The following DHX57 variants were observed in gnomAD, a reference collection of about 807,000 sequenced individuals.
DHX57 encodes DExH-box helicase 57.
A neutral mutation model predicts 156.2 loss-of-function variants in DHX57; 105 were observed. The observed-to-expected ratio is 0.67, with a 90% CI of 0.57 to 0.79. The LOEUF is 0.79. DHX57 is among the 30% of genes least tolerant of loss of function. The probability of loss-of-function intolerance (pLI) is 0.00; values close to 1 mark genes in which losing one functional copy is unlikely to be tolerated. For synonymous variants in DHX57, 704 were observed against 595.6 expected (o/e 1.18, Z -2.65); for missense variants, 1,847 against 1,661.9 (o/e 1.11, Z -1.94).
At chr2:38,826,774 C>G (rs1671108961) in intron 14 of DHX57, 85 bp from the exon 15 acceptor site, 7 of 1,422,370 alleles carry the variant, frequency 4.9e-6, no homozygotes, top group Non-Finnish European at 6.7e-6. Context: ...CTAAAACCAA[C>G]AATATGACTT....
chr2:38,822,978 A>G lies in DHX57; in HGVS notation c.3291+15T>C, dbSNP rs368621312. 28 of 1,612,554 alleles carry G rather than the reference A, an allele frequency of 1.7e-5. No homozygotes were observed. Among genetic ancestry groups the G allele is most frequent in the Non-Finnish European group, 2.4e-5 (28 of 1,179,098 alleles). ...CTCTTAGAGACTCCAGTTTAGATGA[A>G]TGTTGTTTACTTACAAACGGAGACT... is the stretch of plus-strand genomic sequence containing the variant. On this transcript the variant is annotated intron_variant, in intron 17 of 23. Transcript: ENST00000457308.
intron 2 of DHX57, among the ~76,000 whole-genome samples, chr2:38,864,660 T>G (rs1428605281): frequency 1.3e-5 from 2 of 152,178 alleles, no homozygotes; most frequent in Middle Eastern, 3.2e-3. Flanking sequence ...ACAGACATAC[T>G]ATAAGGTCTA....
At chr2:38,848,040 G>A (rs548539689) in intron 10 of DHX57, among the ~76,000 whole-genome samples, 27 of 151,540 alleles carry the variant, frequency 1.8e-4, no homozygotes, top group African/African-American at 5.8e-4. Context: ...CCGAGATCAC[G>A]CCACTGCACT....
At chr2:38,856,658 T>C (rs1441487685) in intron 6 of DHX57, 197 bp from the exon 7 acceptor site, 3 of 540,964 alleles carry the variant, frequency 5.5e-6, no homozygotes, top group Non-Finnish European at 5.9e-6. Flanking sequence ...TGTGTGCCAC[T>C]ATACCCGGCT....
intron 17 of DHX57, among the ~76,000 whole-genome samples, chr2:38,821,464 G>C (rs1194234510): frequency 6.6e-6 from 1 of 152,188 alleles, no homozygotes; most frequent in African/African-American, 2.4e-5. Context: ...GGGAGGCTGA[G>C]GCAGGCAGAT....
chr2:38,872,104 A>G (rs1665384790), intron 1 of DHX57, among the ~76,000 whole-genome samples: 1 of 152,220 alleles, frequency 6.6e-6, no homozygotes, highest in African/African-American at 2.4e-5. Flanking sequence ...ACCTGTTATT[A>G]GGCCCCATCT....
At chr2:38,839,182 G>A (rs1041792128) in intron 12 of DHX57, among the ~76,000 whole-genome samples, 1 of 151,378 alleles carries the variant, frequency 6.6e-6, no homozygotes, top group African/African-American at 2.4e-5. Context: ...CACCCGCCTC[G>A]GCCTCCCAAA....
At chr2:38,801,978 A>C (rs1347330399) in intron 23 of DHX57, among the ~76,000 whole-genome samples, 1 of 152,242 alleles carries the variant, frequency 6.6e-6, no homozygotes, top group Non-Finnish European at 1.5e-5. Context: ...AGACCTGAGA[A>C]TAAATGAAGA....
At chr2:38,845,181 G>C (rs974093856) in intron 11 of DHX57, among the ~76,000 whole-genome samples, 2 of 151,664 alleles carry the variant, frequency 1.3e-5, no homozygotes, top group Non-Finnish European at 2.9e-5. Flanking sequence ...GGGTGACAGA[G>C]TGAGGCTGTC....
At position 38,828,411 on chromosome 2, in the gene DHX57, T is replaced by A; in HGVS notation, c.2568A>T (p.Gly856=). 1 of 1,613,414 alleles carries A rather than the reference T, an allele frequency of 6.2e-7. No homozygotes were observed. The highest frequency in any genetic ancestry group is 8.5e-7 in the Non-Finnish European group (1 of 1,179,680). The part of the protein sequence containing the change: ...PPGAILVFLP[G]LAEIKMLYEQ... ...CATAAAGCATTTTGATTTCTGCTAG[T>A]CCTGGTAAAAATACAAGTATAGCAC... Residue 856 remains glycine, a synonymous_variant, in exon 14 of 24, where the codon GGA becomes GGT. Transcript: ENST00000457308.
chr2:38,828,498 A>T (rs772412042), intron 13 of DHX57, 62 bp from the exon 14 acceptor site: 57 of 1,250,740 alleles, frequency 4.6e-5, no homozygotes, highest in Middle Eastern at 2.3e-4. Context: ...AACAAGAAAA[A>T]TTTTTTTAAA....
intron 12 of DHX57, among the ~76,000 whole-genome samples, chr2:38,839,194 T>G (rs1473444249): frequency 6.6e-6 from 1 of 151,218 alleles, no homozygotes; most frequent in Non-Finnish European, 1.5e-5. Context: ...CCTCCCAAAC[T>G]GCTGAGATTA....
At chr2:38,871,773 C>T (rs1313658075) in intron 1 of DHX57, among the ~76,000 whole-genome samples, 4 of 149,844 alleles carry the variant, frequency 2.7e-5, no homozygotes, top group African/African-American at 9.8e-5. Flanking sequence ...GTAGCGTGGT[C>T]TCAGCTTACT....
intron 21 of DHX57, chr2:38,810,884 G>C: frequency 1.3e-6 from 1 of 756,094 alleles, no homozygotes; most frequent in South Asian, 1.3e-5. Context: ...ATGTCAATAT[G>C]GCCCACGCTG....
At chr2:38,845,222 A>C (rs1216282672) in intron 11 of DHX57, among the ~76,000 whole-genome samples, 2 of 151,908 alleles carry the variant, frequency 1.3e-5, no homozygotes, top group African/African-American at 4.8e-5. Flanking sequence ...AACAAAAAAA[A>C]ACCCATATAT....
intron 6 of DHX57, 134 bp from the exon 7 acceptor site, chr2:38,856,595 C>G (rs1420639675): frequency 1.1e-4 from 133 of 1,183,446 alleles, no homozygotes; most frequent in South Asian, 9.7e-5. Context: ...TCTGCACTTC[C>G]CAGGCTCTAG....
rs572400630 is a variant in DHX57 at position 38,861,977 on chromosome 2, A to G, written c.573-140T>C. 19 of 1,225,060 alleles carry G rather than the reference A, an allele frequency of 1.6e-5. No homozygotes were observed. The Admixed American group carries it at 3.1e-4, about 20-fold the overall frequency. The allele number at this position is 1,225,060 out of a possible 1,614,324, so 75.9% of individuals were successfully genotyped here. On this transcript the variant is annotated intron_variant, in intron 4 of 23. Coordinates refer to ENST00000457308, the MANE Select transcript of DHX57 (RefSeq NM_198963.3). ...GTATTTTGAAAAAGCATCCCTGATA[A>G]CAATAAGCCCCCCTGAATGACCCCT...
chr2:38,856,163 A>C (rs1184693686), intron 7 of DHX57, among the ~76,000 whole-genome samples, 177 bp downstream of exon 7: 2 of 152,232 alleles, frequency 1.3e-5, no homozygotes, highest in Admixed American at 6.5e-5. Context: ...CTTTAAATTT[A>C]AACATGAGCC....
In DHX57 at chr2:38,826,149, G is replaced by A. The variant is rs575429476; in HGVS notation, c.2814-102C>T. On this transcript the variant is annotated intron_variant, in intron 15 of 23. Transcript: ENST00000457308. ...ATGAACCAGCTTCCTCCTGTAGAGG[G>A]ACACAGTGCCCTGTATATTCTGGGA... is the stretch of plus-strand genomic sequence containing the variant. 1.0e-4 allele frequency: 125 copies of A among 1,197,168 alleles called. No homozygotes were observed. The African/African-American group carries it at 1.8e-3, about 17-fold the overall frequency. 74.2% of individuals were successfully genotyped at this position (1,197,168 alleles called of 1,614,324 possible). A position where few individuals can be genotyped will look rare whatever the true frequency, so the allele number is the denominator to read the frequency against.
Sources: gnomAD v4.1 joint callset for allele counts (sites outside exome capture counted in the v4.1 genomes callset) on GRCh38, gnomAD v4.1.1 for gene constraint, MANE v1.5 for transcripts, NCBI Gene and HGNC (gene_info 2026-07-23, HGNC 2026-07-21) for gene names.